The following SGCZ variants were observed in gnomAD, a reference collection of about 807,000 sequenced individuals.
The protein encoded by SGCZ is zeta-sarcoglycan.
Under a neutral mutation model 41.3 loss-of-function variants are expected in SGCZ, and 40 were observed. The ratio of observed to expected loss-of-function variants is 0.97; its 90% CI spans 0.75 to 1.26. SGCZ has a LOEUF of 1.26. Ranked by LOEUF, SGCZ falls within the 50% of genes most tolerant of loss-of-function variation. SGCZ has a pLI of 0.00. For synonymous variants in SGCZ, 206 were observed against 137.5 expected (o/e 1.50, Z -3.49); for missense variants, 552 against 369.8 (o/e 1.49, Z -4.04).
At chr8:14,696,431 T>C (rs1808966143) in intron 1 of SGCZ, among the ~76,000 whole-genome samples, 1 of 152,126 alleles carries the variant, frequency 6.6e-6, no homozygotes, top group Non-Finnish European at 1.5e-5. Context: ...TTAGCCTCCC[T>C]GAGCTTAAAG....
At chr8:14,592,329 A>G (rs1805266841) in intron 1 of SGCZ, among the ~76,000 whole-genome samples, 1 of 152,174 alleles carries the variant, frequency 6.6e-6, no homozygotes, top group East Asian at 1.9e-4. Flanking sequence ...CTTGCTCATA[A>G]CAATATAAAT....
At chr8:15,170,888 G>C (rs1297667443) in intron 1 of SGCZ, among the ~76,000 whole-genome samples, 3 of 152,146 alleles carry the variant, frequency 2.0e-5, no homozygotes, top group Non-Finnish European at 4.4e-5. Flanking sequence ...CAACAAAAGA[G>C]GCACAGTTGT....
At chr8:15,077,371 G>A (rs370069324) in intron 1 of SGCZ, among the ~76,000 whole-genome samples, 8 of 152,210 alleles carry the variant, frequency 5.3e-5, no homozygotes, top group African/African-American at 1.9e-4. Flanking sequence ...AATTTGGAGT[G>A]CTCTGCCTGG....
intron 2 of SGCZ, among the ~76,000 whole-genome samples, chr8:14,348,068 C>T (rs1014130634): frequency 6.6e-6 from 1 of 152,004 alleles, no homozygotes; most frequent in African/African-American, 2.4e-5. Context: ...GGCACGGAGA[C>T]CCAGCTGCAG....
chr8:14,530,526 T>C (rs1389283938), intron 2 of SGCZ, among the ~76,000 whole-genome samples: 1 of 152,124 alleles, frequency 6.6e-6, no homozygotes, highest in Non-Finnish European at 1.5e-5. Flanking sequence ...CATTTAAATG[T>C]ATCACATACA....
At chr8:14,826,834 G>C (rs1227257909) in intron 1 of SGCZ, among the ~76,000 whole-genome samples, 1 of 151,998 alleles carries the variant, frequency 6.6e-6, no homozygotes. Context: ...CTGAATATTA[G>C]CCTTTTCTCA....
intron 1 of SGCZ, among the ~76,000 whole-genome samples, chr8:14,787,133 C>G (rs745531997): frequency 2.6e-4 from 39 of 152,124 alleles, no homozygotes; most frequent in Non-Finnish European, 4.7e-4. Context: ...ACAGAAGCAA[C>G]AGAAAGATCC....
At chr8:14,508,960 T>C (rs752815005) in intron 2 of SGCZ, among the ~76,000 whole-genome samples, 1 of 152,190 alleles carries the variant, frequency 6.6e-6, no homozygotes, top group Non-Finnish European at 1.5e-5. Flanking sequence ...GTAGTACTTA[T>C]TGATTTACTG....
intron 5 of SGCZ, among the ~76,000 whole-genome samples, chr8:14,130,848 C>CA (rs1803019556): frequency 6.6e-6 from 1 of 152,100 alleles, no homozygotes; most frequent in Admixed American, 6.5e-5. Context: ...GCCGTGTGTG[C>CA]AGTAAGCAAG....
intron 4 of SGCZ, among the ~76,000 whole-genome samples, chr8:14,213,574 C>G (rs1461537768): frequency 1.3e-5 from 2 of 151,740 alleles, no homozygotes; most frequent in East Asian, 1.9e-4. Context: ...AACAGATAAG[C>G]TATGCTATTA....
chr8:15,145,430 C>T (rs1186409444), intron 1 of SGCZ, among the ~76,000 whole-genome samples: 3 of 152,164 alleles, frequency 2.0e-5, no homozygotes, highest in African/African-American at 2.4e-5. Flanking sequence ...CCCAGATCCA[C>T]ATCTACTATG....
intron 1 of SGCZ, among the ~76,000 whole-genome samples, chr8:14,831,644 G>GTGTATA (rs199982117): frequency 2.0e-5 from 3 of 150,164 alleles, no homozygotes; most frequent in African/African-American, 7.3e-5. Flanking sequence ...GTGTGTGTGT[G>GTGTATA]TATATATATA....
At chr8:14,163,894 G>A (rs1437979113) in intron 5 of SGCZ, among the ~76,000 whole-genome samples, 3 of 152,032 alleles carry the variant, frequency 2.0e-5, no homozygotes, top group African/African-American at 7.2e-5. Context: ...ACCTCCTTGG[G>A]TACTTTCAAG....
chr8:14,842,140 G>A (rs1369950874), intron 1 of SGCZ, among the ~76,000 whole-genome samples: 7 of 152,120 alleles, frequency 4.6e-5, no homozygotes. Flanking sequence ...ACTTTAGCCA[G>A]AACACACATA....
At chr8:15,016,389 G>C (rs564760032) in intron 1 of SGCZ, among the ~76,000 whole-genome samples, 1 of 152,180 alleles carries the variant, frequency 6.6e-6, no homozygotes, top group African/African-American at 2.4e-5. Flanking sequence ...ATAACATGGC[G>C]ATGGTAGGTG....
chr8:14,098,457 G>T (rs1471637160), intron 7 of SGCZ, among the ~76,000 whole-genome samples: 1 of 152,136 alleles, frequency 6.6e-6, no homozygotes, highest in African/African-American at 2.4e-5. Context: ...CCCAGGGAAT[G>T]AGAGATGATT....
intron 1 of SGCZ, among the ~76,000 whole-genome samples, chr8:15,236,606 G>A (rs1221724439): frequency 6.6e-6 from 1 of 152,072 alleles, no homozygotes; most frequent in African/African-American, 2.4e-5. Context: ...TACGGTGAGC[G>A]GGACATTTAA....
At chr8:14,342,254 C>T (rs192333667) in intron 2 of SGCZ, among the ~76,000 whole-genome samples, 4 of 152,274 alleles carry the variant, frequency 2.6e-5, no homozygotes, top group Admixed American at 2.0e-4. Flanking sequence ...TTTGCTCCTG[C>T]CCTAGAGATT....
intron 1 of SGCZ, among the ~76,000 whole-genome samples, chr8:14,769,216 G>A (rs1047986221): frequency 1.3e-4 from 20 of 152,108 alleles, no homozygotes; most frequent in African/African-American, 4.8e-4. Flanking sequence ...TAATGACAAT[G>A]ATGTGAATAA....
Sources: gnomAD v4.1 joint callset for allele counts (sites outside exome capture counted in the v4.1 genomes callset) on GRCh38, gnomAD v4.1.1 for gene constraint, MANE v1.5 for transcripts, NCBI Gene and HGNC (gene_info 2026-07-23, HGNC 2026-07-21) for gene names.